PRKCH: variants seen among roughly 807,000 people sequenced by gnomAD.
The protein encoded by PRKCH is protein kinase C eta type.
A neutral mutation model predicts 82.5 loss-of-function variants in PRKCH; 28 were observed. The observed-to-expected ratio is 0.34, with a 90% CI of 0.25 to 0.47. The LOEUF (loss-of-function observed/expected upper bound fraction) is 0.47, where lower values mean the gene tolerates loss of function less well. PRKCH is among the 20% of genes least tolerant of loss of function. The probability of loss-of-function intolerance (pLI) is 1.00; values close to 1 mark genes in which losing one functional copy is unlikely to be tolerated. For missense variants in PRKCH, 705 were observed against 881.8 expected, an observed-to-expected ratio of 0.80 and a Z score of 2.54; for synonymous variants, 322 against 327.4, an observed-to-expected ratio of 0.98 and a Z score of 0.18.
chr14:61,388,630 AG>A (rs538412812), intron 1 of PRKCH, among the ~76,000 whole-genome samples: 14 of 152,236 alleles, frequency 9.2e-5, no homozygotes, highest in African/African-American at 3.4e-4. Flanking sequence ...ATTGAAGATG[AG>A]GGAGTGTGGC....
At chr14:61,243,253 C>T (rs927745607) in intron 1 of PRKCH, among the ~76,000 whole-genome samples, 8 of 151,644 alleles carry the variant, frequency 5.3e-5, no homozygotes, top group Admixed American at 5.3e-4. Flanking sequence ...AAAAAATTCA[C>T]CAGGTGTGGT....
At chr14:61,266,782 C>G (rs1315075539) in intron 1 of PRKCH, among the ~76,000 whole-genome samples, 1 of 152,186 alleles carries the variant, frequency 6.6e-6, no homozygotes, top group Non-Finnish European at 1.5e-5. Flanking sequence ...AATAGAGGCC[C>G]TAAAACTGAT....
intron 9 of PRKCH, among the ~76,000 whole-genome samples, chr14:61,459,054 A>G (rs1884914359): frequency 6.6e-6 from 1 of 152,224 alleles, no homozygotes; most frequent in African/African-American, 2.4e-5. Flanking sequence ...GGAGCAGGGC[A>G]TTCTGCTTTT....
chr14:61,418,965 A>T (rs1882696326), intron 2 of PRKCH, among the ~76,000 whole-genome samples: 1 of 152,136 alleles, frequency 6.6e-6, no homozygotes, highest in African/African-American at 2.4e-5. Flanking sequence ...ATCAAGAGAA[A>T]CACTCTGCCT....
At chr14:61,451,074 TA>T (rs778131073) in intron 6 of PRKCH, 103 bp downstream of exon 6, 44 of 1,357,900 alleles carry the variant, frequency 3.2e-5, no homozygotes, top group Non-Finnish European at 4.2e-5. Flanking sequence ...CTGATGGTTT[TA>T]GATATGTTGT....
At chr14:61,340,496 C>G (rs1268345225) in intron 1 of PRKCH, among the ~76,000 whole-genome samples, 2 of 152,178 alleles carry the variant, frequency 1.3e-5, no homozygotes, top group East Asian at 3.8e-4. Flanking sequence ...CCAAGGACTT[C>G]CAAAGCTCTG....
In PRKCH at chr14:61,328,256, CAAAAA is replaced by C. The variant is rs71117811; in HGVS notation, c.363+5813_363+5817del. 3.6e-3 allele frequency among the ~76,000 whole-genome samples: 269 copies of C among 74,396 alleles called. 3 individuals are homozygous for C. Among genetic ancestry groups the C allele is most frequent in the African/African-American group, 0.016 (260 of 16,442 alleles). 48.8% of individuals were successfully genotyped at this position (74,396 alleles called of 152,430 possible). A position where few individuals can be genotyped will look rare whatever the true frequency, so the allele number is the denominator to read the frequency against. Reference sequence around the variant, plus strand: ...TGGGCAACAGAGCGAGACTCCGTCTCAAAAAAAAAAAAAAAAAAAAAAAAAGAAAG... The same window carrying C: ...TGGGCAACAGAGCGAGACTCCGTCTCAAAAAAAAAAAAAAAAAAAAGAAAG... On this transcript the variant is annotated intron_variant, in intron 1 of 13. Transcript: ENST00000332981.
At chr14:61,358,837 C>T (rs1370216519) in intron 1 of PRKCH, among the ~76,000 whole-genome samples, 4 of 152,142 alleles carry the variant, frequency 2.6e-5, no homozygotes, top group African/African-American at 9.7e-5. Flanking sequence ...CTCTTTCCCA[C>T]CTTTGTTAGC....
rs537717738 is a variant in PRKCH, at chr14:61,272,022, G to A, written c.-19+84354G>A. 5.9e-5 allele frequency among the ~76,000 whole-genome samples: 9 copies of A among 152,134 alleles called. No homozygotes were observed. The South Asian group carries it at 1.0e-3, about 18-fold the overall frequency. The stretch of plus-strand genomic sequence containing the variant: ...GGGCGGATCACGAGGTCAGGAGATC[G>A]AGACCATCCTGGTTAACACGGTGAA... On this transcript the variant is annotated intron_variant, in intron 1 of 3. Transcript: ENST00000555185.
At chr14:61,260,754 T>G (rs765988115) in intron 1 of PRKCH, among the ~76,000 whole-genome samples, 3 of 152,120 alleles carry the variant, frequency 2.0e-5, no homozygotes, top group Non-Finnish European at 4.4e-5. Flanking sequence ...GCTTTGTGAG[T>G]AAAACCACAA....
intron 2 of PRKCH, among the ~76,000 whole-genome samples, chr14:61,432,087 G>A (rs1303235496): frequency 2.1e-5 from 3 of 141,504 alleles, no homozygotes; most frequent in Non-Finnish European, 4.6e-5. Context: ...TTTTTTAAGT[G>A]ATTATACTTG....
At chr14:61,352,703 A>AAAGAAAGG (rs1566834099) in intron 1 of PRKCH, among the ~76,000 whole-genome samples, 2 of 148,498 alleles carry the variant, frequency 1.3e-5, no homozygotes, top group African/African-American at 5.0e-5. Flanking sequence ...AGAAAGAAAG[A>AAAGAAAGG]AAGAAAGAAA....
At chr14:61,242,528 G>T (rs1027041199) in intron 1 of PRKCH, among the ~76,000 whole-genome samples, 1 of 152,160 alleles carries the variant, frequency 6.6e-6, no homozygotes, top group Non-Finnish European at 1.5e-5. Flanking sequence ...CTCCCAAGTA[G>T]CTGGGATTAC....
intron 1 of PRKCH, among the ~76,000 whole-genome samples, chr14:61,248,326 G>A (rs2044906091): frequency 6.6e-6 from 1 of 152,088 alleles, no homozygotes; most frequent in Admixed American, 6.5e-5. Flanking sequence ...AAATAATCTG[G>A]AGTTGGTTTA....
At chr14:61,378,165 G>A (rs2046449653) in intron 1 of PRKCH, among the ~76,000 whole-genome samples, 1 of 151,718 alleles carries the variant, frequency 6.6e-6, no homozygotes, top group Non-Finnish European at 1.5e-5. Context: ...CCCAGGTAAA[G>A]CTTCGCCCTA....
chr14:61,249,510 C>T (rs895819993), intron 1 of PRKCH, among the ~76,000 whole-genome samples: 5 of 128,126 alleles, frequency 3.9e-5, no homozygotes, highest in African/African-American at 1.1e-4. Context: ...AAATTTGTAA[C>T]GCGAAGCTTT....
At chr14:61,314,963 A>G (rs1467323362) in intron 1 of PRKCH, among the ~76,000 whole-genome samples, 1 of 152,138 alleles carries the variant, frequency 6.6e-6, no homozygotes, top group Non-Finnish European at 1.5e-5. Context: ...GAAACTTCCC[A>G]ATGATATTTC....
chr14:61,397,549 T>C lies in PRKCH; in HGVS notation c.427+6261T>C, dbSNP rs150684677. 2.6e-3 allele frequency among the ~76,000 whole-genome samples: 402 copies of C among 152,270 alleles called. No individual in the cohort carries two copies. The Middle Eastern group carries it at 0.058, about 22-fold the overall frequency. On this transcript the variant is annotated intron_variant, in intron 2 of 13. Transcript: ENST00000332981. Reference sequence around the variant, plus strand: ...TGTGGAGCATCAACATTTAAGTACTTTGGCTCATGAATTATAGTTTATCAA... The same window carrying C: ...TGTGGAGCATCAACATTTAAGTACTCTGGCTCATGAATTATAGTTTATCAA...
chr14:61,537,582 C>T (rs913784140), intron 12 of PRKCH: 7 of 152,256 alleles, frequency 4.6e-5, no homozygotes, highest in African/African-American at 1.7e-4. Flanking sequence ...GAAGCTGAAG[C>T]CTTGTCTCAG....
Sources: allele counts gnomAD v4.1 joint callset (sites outside exome capture counted in the v4.1 genomes callset), GRCh38; gene constraint gnomAD v4.1.1; transcripts MANE v1.5; gene names NCBI Gene and HGNC (gene_info 2026-07-23, HGNC 2026-07-21).